The following CLTCL1 variants were observed in gnomAD, a reference collection of about 807,000 sequenced individuals.
CLTCL1 encodes the protein clathrin heavy chain like 1.
A neutral mutation model predicts 190.0 loss-of-function variants in CLTCL1; 159 were observed. The observed-to-expected ratio is 0.84, with a 90% CI of 0.74 to 0.95. The LOEUF (loss-of-function observed/expected upper bound fraction) is 0.95. Among genes scored for constraint, CLTCL1 ranks in the 40% least tolerant of loss-of-function variants. The pLI is 0.00. For synonymous variants in CLTCL1, 752 were observed against 769.6 expected (o/e 0.98, Z 0.38); for missense variants, 1,878 against 2,033.4 (o/e 0.92, Z 1.47).
rs143947757 is a variant in CLTCL1, at chr22:19,206,410, A to AT, written c.3600+1743dup. ...AGTGCATGCCACACACTCGGCTAAT[A>AT]TTTTTTAGTTTTTTGATAGAGATGG... is the stretch of plus-strand genomic sequence containing the variant. On this transcript the variant is annotated intron_variant, in intron 22 of 32. Coordinates refer to ENST00000427926, the MANE Select transcript of CLTCL1 (RefSeq NM_007098.4). Among the ~76,000 whole-genome samples the AT allele has an allele frequency of 5.9e-3, 892 of 151,606 alleles. 11 individuals are homozygous for AT. Among genetic ancestry groups the AT allele is most frequent in the African/African-American group, 0.02 (823 of 41,286 alleles).
chr22:19,217,428 A>G (rs2085418825), intron 18 of CLTCL1, among the ~76,000 whole-genome samples: 1 of 152,064 alleles, frequency 6.6e-6, no homozygotes, highest in South Asian at 2.1e-4. Flanking sequence ...CATCCTGGCT[A>G]ACACGGTGAA....
chr22:19,285,277 AAAAAAG>A (rs1277187722), intron 1 of CLTCL1, among the ~76,000 whole-genome samples: 20 of 152,202 alleles, frequency 1.3e-4, no homozygotes, highest in African/African-American at 3.6e-4. Context: ...TCCATCTTAA[AAAAAAG>A]AAAAAGAAAA....
At position 19,233,767 on chromosome 22, in the gene CLTCL1, T is replaced by C. The variant is rs560778525; in HGVS notation, c.1168-145A>G. ...ACAAAAAGTCCTCTACCAAGGCAAC[T>C]GCTTCTATCTTCAACAATAACCATA... On this transcript the variant is annotated intron_variant, in intron 7 of 32. Coordinates refer to ENST00000427926, the MANE Select transcript of CLTCL1 (RefSeq NM_007098.4). The C allele has an allele frequency of 4.9e-4, 338 of 693,150 alleles. 3 individuals carry two copies. The highest frequency in any genetic ancestry group is 4.3e-3 in the South Asian group (226 of 52,100). 42.9% of individuals were successfully genotyped at this position (693,150 alleles called of 1,614,324 possible).
At chr22:19,208,065 G>C in intron 22 of CLTCL1, 89 bp downstream of exon 22, 1 of 1,527,140 alleles carries the variant, frequency 6.5e-7, no homozygotes, top group South Asian at 1.1e-5. Flanking sequence ...AGTCCCTGGT[G>C]CCAAAACAGC....
intron 4 of CLTCL1, among the ~76,000 whole-genome samples, chr22:19,240,254 C>T (rs574887674): frequency 2.6e-5 from 4 of 152,152 alleles, no homozygotes; most frequent in African/African-American, 7.2e-5. Flanking sequence ...CGAGCCACCA[C>T]GCCCAGCCAC....
At position 19,199,779 on chromosome 22, in the gene CLTCL1, G is replaced by A. The variant is rs368617243; in HGVS notation, c.3828C>T (p.Ile1276=). The part of the protein sequence containing the change: ...FRFAQLCGLH[I]VIHADELEEL... The stretch of plus-strand genomic sequence containing the variant: ...CCTCCAGCTCATCTGCATGAATGAC[G>A]ATGTGAAGACCACACAGCTGTGCGA... The change falls in exon 24 of 33, where the codon ATC becomes ATT. Residue 1276 remains isoleucine, a synonymous_variant. Coordinates refer to ENST00000427926, the MANE Select transcript of CLTCL1 (RefSeq NM_007098.4). 48 of 1,598,008 alleles carry A rather than the reference G, an allele frequency of 3.0e-5. No individual in the cohort carries two copies. The highest frequency in any genetic ancestry group is 1.6e-4 in the Middle Eastern group (1 of 6,070).
chr22:19,257,964 C>T, intron 2 of CLTCL1: 1 of 738,530 alleles, frequency 1.4e-6, no homozygotes, highest in Non-Finnish European at 2.2e-6. Context: ...GTGGACAATG[C>T]CTTCATCGTT....
intron 18 of CLTCL1, among the ~76,000 whole-genome samples, chr22:19,216,491 C>A (rs1555949575): frequency 6.6e-6 from 1 of 152,252 alleles, no homozygotes; most frequent in Non-Finnish European, 1.5e-5. Flanking sequence ...GACTCTTACT[C>A]AGCTCCAATG....
At chr22:19,278,282 G>T (rs1364508239) in intron 1 of CLTCL1, among the ~76,000 whole-genome samples, 5 of 152,010 alleles carry the variant, frequency 3.3e-5, no homozygotes, top group Admixed American at 3.3e-4. Context: ...TTAACATTTT[G>T]TAAGTCTAAA....
At chr22:19,190,790 T>C (rs2084474016) in intron 27 of CLTCL1, among the ~76,000 whole-genome samples, 1 of 149,712 alleles carries the variant, frequency 6.7e-6, no homozygotes, top group South Asian at 2.1e-4. Context: ...TTTTTTTTTT[T>C]CTTTTGAGAC....
chr22:19,221,593 G>A lies in CLTCL1; in HGVS notation c.2580C>T (p.Pro860=). 6.3e-7 allele frequency: 1 copy of A among 1,591,384 alleles called. No individual in the cohort carries two copies. The highest frequency in any genetic ancestry group is 8.6e-7 in the Non-Finnish European group (1 of 1,168,516). ...EKRNRLKLLL[P]WLESQIQEGC... is the part of the protein sequence containing the mutation. ...CTTCCTGAATCTGGGACTCCAGCCA[G>A]GGAAGCAGCAGCTTGAGCCTTTGAA... The change falls in exon 17 of 33, where the codon CCC becomes CCT. Residue 860 remains proline, a synonymous_variant. Transcript: ENST00000427926.
rs532474812 is a variant in CLTCL1 at position 19,258,368 on chromosome 22, G to A, written c.251-4141C>T. On this transcript the variant is annotated intron_variant, in intron 2 of 32. Coordinates refer to ENST00000427926, the MANE Select transcript of CLTCL1 (RefSeq NM_007098.4). ...AGGAGAGCACCACAGTGGTCATCACGCAGTCCACCGAGATCAGAGCTGCTG... is the reference window on the plus strand; with the variant it reads ...AGGAGAGCACCACAGTGGTCATCACACAGTCCACCGAGATCAGAGCTGCTG... 196 of 420,472 alleles carry A rather than the reference G, an allele frequency of 4.7e-4. 11 individuals carry two copies. Among genetic ancestry groups the A allele is most frequent in the South Asian group, 3.8e-3 (193 of 50,174 alleles). The allele number at this position is 420,472 out of a possible 1,614,324, so 26.0% of individuals were successfully genotyped here.
intron 3 of CLTCL1, among the ~76,000 whole-genome samples, chr22:19,247,578 G>C (rs1283000579): frequency 6.6e-6 from 1 of 151,910 alleles, no homozygotes; most frequent in Admixed American, 6.6e-5. Context: ...TTTTGTTTTT[G>C]AGGCAGAGTT....
chr22:19,280,866 G>T (rs2087685342), intron 1 of CLTCL1, among the ~76,000 whole-genome samples: 2 of 148,470 alleles, frequency 1.3e-5, no homozygotes, highest in South Asian at 4.3e-4. Context: ...GACAAATATT[G>T]TATGATTCCA....
At position 19,208,297 on chromosome 22, in the gene CLTCL1, G is replaced by C. The variant is rs782420378; in HGVS notation, c.3457C>G (p.Leu1153Val). ...SASRSNNWED[L>V]VKFLQMARKK... ...CTGGCCATCTGCAGAAATTTAACTA[G>C]ATCCTCCCAGTTGTCTAAAGACAGA... is the stretch of plus-strand genomic sequence containing the variant. Residue 1153 changes from leucine (L) to valine (V), a missense_variant, in exon 22 of 33, where the codon CTA becomes GTA. Physicochemically the swap from Leu to Val is conservative, Grantham distance 32 (BLOSUM62 1). Coordinates refer to ENST00000427926, the MANE Select transcript of CLTCL1 (RefSeq NM_007098.4). 8.7e-6 allele frequency: 14 copies of C among 1,613,590 alleles called. No homozygotes were observed. The highest frequency in any genetic ancestry group is 3.4e-6 in the Non-Finnish European group (4 of 1,179,870).
In CLTCL1 at chr22:19,225,613, G is replaced by A. The variant is rs937494841; in HGVS notation, c.1968C>T (p.Gly656=). 9 of 1,566,002 alleles carry A rather than the reference G, an allele frequency of 5.7e-6. No individual in the cohort carries two copies. Among genetic ancestry groups the A allele is most frequent in the Middle Eastern group, 1.7e-4 (1 of 6,006 alleles). ...CCACAGAATCCTCCACCGATAAGGA[G>A]CCAAAGAAATTGACAAGCCACTGGG... ...LNPEWLVNFF[G]SLSVEDSVEC... is the part of the protein sequence containing the mutation. The change falls in exon 13 of 33, where the codon GGC becomes GGT. Residue 656 remains glycine, a synonymous_variant. Coordinates refer to ENST00000427926, the MANE Select transcript of CLTCL1 (RefSeq NM_007098.4).
intron 2 of CLTCL1, among the ~76,000 whole-genome samples, chr22:19,257,020 C>T (rs1276649017): frequency 6.6e-6 from 1 of 152,070 alleles, no homozygotes; most frequent in African/African-American, 2.4e-5. Flanking sequence ...CAGCTGCATG[C>T]ACTGATTTGA....
chr22:19,223,796 A>T, intron 14 of CLTCL1, 95 bp downstream of exon 14: 1 of 1,473,596 alleles, frequency 6.8e-7, no homozygotes, highest in Non-Finnish European at 9.3e-7. Flanking sequence ...GGCGAGACAG[A>T]TCCAGCTTCC....
rs782408947 is a variant in CLTCL1, at chr22:19,196,599, G to A, written c.3931C>T (p.Arg1311Trp). 11 of 1,613,510 alleles carry A rather than the reference G, an allele frequency of 6.8e-6. No homozygotes were observed. Among genetic ancestry groups the A allele is most frequent in the South Asian group, 3.3e-5 (3 of 91,000 alleles). ...TCAGTGAACATGCCCATGTGGGCCC[G>A]CTCCAGGCCCAGGGCCGCTTCCAAC... Reference protein sequence around the residue: ...LLLEAALGLERAHMGMFTELA... With the variant: ...LLLEAALGLEWAHMGMFTELA... The change falls in exon 25 of 33, where the codon CGG (arginine) becomes TGG (tryptophan). Residue 1311 changes from arginine to tryptophan, a missense_variant. Physicochemically the swap from Arg to Trp is moderately radical, Grantham distance 101. Coordinates refer to ENST00000427926, the MANE Select transcript of CLTCL1 (RefSeq NM_007098.4).
Sources: allele counts gnomAD v4.1 joint callset (sites outside exome capture counted in the v4.1 genomes callset), GRCh38; gene constraint gnomAD v4.1.1; transcripts MANE v1.5; gene names NCBI Gene and HGNC (gene_info 2026-07-23, HGNC 2026-07-21).